UGGT2: variants seen among roughly 807,000 people sequenced by gnomAD.
The protein encoded by UGGT2 is UDP-glucose glycoprotein glucosyltransferase 2, also known as UDP-glucose:glycoprotein glucosyltransferase 2.
Under a neutral mutation model 192.1 loss-of-function variants are expected in UGGT2, and 180 were observed. That is an observed-to-expected ratio of 0.94 (90% CI 0.83 to 1.06). UGGT2 has a LOEUF of 1.06. Among genes scored for constraint, UGGT2 ranks in the 50% least tolerant of loss-of-function variants. UGGT2 has a pLI of 0.00. For synonymous variants in UGGT2, 580 were observed against 591.0 expected (o/e 0.98, Z 0.27); for missense variants, 1,849 against 1,795.7 (o/e 1.03, Z -0.54).
intron 38 of UGGT2, among the ~76,000 whole-genome samples, chr13:95,832,493 ACG>A (rs781687543): frequency 0.072 from 10,941 of 152,222 alleles, 463 homozygotes; most frequent in East Asian, 0.15. Context: ...AACCACAAAC[ACG>A]TGGGGAAACC....
intron 20 of UGGT2, among the ~76,000 whole-genome samples, chr13:95,905,091 C>T (rs577187211): frequency 1.3e-5 from 2 of 152,176 alleles, no homozygotes; most frequent in East Asian, 1.9e-4. Context: ...GCATAAATGT[C>T]TTCTTTTGAG....
chr13:95,858,979 C>T (rs1408014887), intron 33 of UGGT2, among the ~76,000 whole-genome samples: 3 of 152,094 alleles, frequency 2.0e-5, no homozygotes, highest in Non-Finnish European at 4.4e-5. Context: ...GAATGAGACA[C>T]CAAATTGCTG....
intron 32 of UGGT2, among the ~76,000 whole-genome samples, chr13:95,860,146 T>C (rs1249875632): frequency 1.3e-5 from 2 of 152,042 alleles, no homozygotes; most frequent in African/African-American, 2.4e-5. Context: ...GTATCAGTGC[T>C]ACAATTCAAA....
At chr13:95,858,318 C>G (rs1435515551) in intron 33 of UGGT2, among the ~76,000 whole-genome samples, 1 of 151,886 alleles carries the variant, frequency 6.6e-6, no homozygotes, top group African/African-American at 2.4e-5. Context: ...CTGCAGATCT[C>G]GGACCACACT....
intron 14 of UGGT2, among the ~76,000 whole-genome samples, chr13:95,947,460 A>T (rs9525094): frequency 1 from 148,854 of 149,290 alleles, 74,209 homozygotes; most frequent in Non-Finnish European, 1. Context: ...TTTTATTTTT[A>T]TTTTTTTTGA....
chr13:95,870,755 G>C (rs997760767), intron 29 of UGGT2, among the ~76,000 whole-genome samples: 8 of 152,210 alleles, frequency 5.3e-5, no homozygotes, highest in African/African-American at 1.7e-4. Context: ...GCTACGATTT[G>C]AATGTCCCTC....
intron 12 of UGGT2, among the ~76,000 whole-genome samples, chr13:95,956,996 TAAAA>T (rs1691062476): frequency 6.6e-6 from 1 of 152,142 alleles, no homozygotes; most frequent in South Asian, 2.1e-4. Flanking sequence ...TATTCAGTCT[TAAAA>T]AGGAACAAAA....
chr13:95,854,887 T>C (rs1307492141), intron 34 of UGGT2, among the ~76,000 whole-genome samples: 1 of 151,970 alleles, frequency 6.6e-6, no homozygotes, highest in Non-Finnish European at 1.5e-5. Context: ...GTTTGAATCA[T>C]AAAGAAAAAT....
chr13:95,891,821 G>A (rs2047809193), intron 24 of UGGT2, among the ~76,000 whole-genome samples: 1 of 152,116 alleles, frequency 6.6e-6, no homozygotes, highest in Admixed American at 6.5e-5. Flanking sequence ...AAAGGCTTCT[G>A]CAGTGAGGGG....
chr13:95,957,778 A>T (rs2050255681), intron 12 of UGGT2, among the ~76,000 whole-genome samples: 1 of 152,250 alleles, frequency 6.6e-6, no homozygotes, highest in African/African-American at 2.4e-5. Context: ...CAATTACTGC[A>T]CTAATTTTCT....
chr13:95,911,768 C>T (rs1044665146), intron 20 of UGGT2, among the ~76,000 whole-genome samples: 1 of 152,072 alleles, frequency 6.6e-6, no homozygotes, highest in Admixed American at 6.6e-5. Context: ...CAAAGCCTGG[C>T]AGAAACACAA....
At chr13:95,860,753 C>A in intron 32 of UGGT2, 35 bp downstream of exon 32, 3 of 1,282,058 alleles carry the variant, frequency 2.3e-6, no homozygotes, top group Non-Finnish European at 2.1e-6. Context: ...GTAAATATTT[C>A]TTTTTCAAAA....
intron 38 of UGGT2, among the ~76,000 whole-genome samples, chr13:95,805,580 T>A (rs746623097): frequency 1.1e-4 from 17 of 152,148 alleles, no homozygotes; most frequent in Non-Finnish European, 2.4e-4. Context: ...ATATATACAA[T>A]GGGATTTTAT....
Position 96,023,656 on chromosome 13 carries a change from G to C in UGGT2, c.345C>G (p.Tyr115Ter), listed in dbSNP as rs1287717904. Residue 115 changes from tyrosine (Y) to a stop codon, truncating the protein, a stop_gained, in exon 3 of 39, where the codon TAC (tyrosine) becomes TAG (stop). Transcript: ENST00000376747. LOFTEE classifies it high-confidence loss of function. Reference protein sequence around the residue: ...LLKFAFSIRAYSPAIQMFQQI... With the variant: ...LLKFAFSIRA Reference sequence around the variant, plus strand: ...GCTGAAACATCTGAATAGCTGGGGAGTATGCCCTTATAGAGAAAGCAAACT... The same window carrying C: ...GCTGAAACATCTGAATAGCTGGGGACTATGCCCTTATAGAGAAAGCAAACT... 1.2e-6 allele frequency: 2 copies of C among 1,610,964 alleles called. No homozygotes were observed. The highest frequency in any genetic ancestry group is 1.7e-6 in the Non-Finnish European group (2 of 1,178,016).
At chr13:95,924,558 A>T (rs991796728) in intron 20 of UGGT2, among the ~76,000 whole-genome samples, 3 of 152,018 alleles carry the variant, frequency 2.0e-5, no homozygotes, top group Non-Finnish European at 2.9e-5. Flanking sequence ...GATGGCCCCA[A>T]CGATCCCCAT....
chr13:95,925,594 G>T, intron 20 of UGGT2, 86 bp downstream of exon 20: 1 of 888,786 alleles, frequency 1.1e-6, no homozygotes, highest in East Asian at 3.0e-5. Flanking sequence ...AACATGGAGG[G>T]GAAAATATTT....
Position 95,903,040 on chromosome 13 carries a change from C to T in UGGT2, c.2316G>A (p.Arg772=). ...LKHMKTSVHS[R]LGIIYNPTSK... The stretch of plus-strand genomic sequence containing the variant: ...ATGTAGGATTATAAATAATCCCCAA[C>T]CGACTATGAACACTTGTTTTCTGCA... Residue 772 remains arginine (R), a synonymous_variant, in exon 21 of 39, where the codon CGG becomes CGA. Transcript: ENST00000376747. 1 of 1,611,866 alleles carries T rather than the reference C, an allele frequency of 6.2e-7. No homozygotes were observed.
chr13:95,860,884 C>A lies in UGGT2; in HGVS notation c.3645-1G>T. 6.5e-7 allele frequency: 1 copy of A among 1,538,452 alleles called. No individual in the cohort carries two copies. The highest frequency in any genetic ancestry group is 8.7e-7 in the Non-Finnish European group (1 of 1,143,688). On this transcript the variant is annotated splice_acceptor_variant, in intron 31 of 38. Transcript: ENST00000376747. LOFTEE classifies it high-confidence loss of function. ...TTCTTTATGCAAGCTTACTGTGAAA[C>A]TTGGAATAAAAAAGTAATTGACATT...
At chr13:95,807,715 C>CTTTTTTTTT (rs200081851) in intron 38 of UGGT2, among the ~76,000 whole-genome samples, 2 of 48,040 alleles carry the variant, frequency 4.2e-5, no homozygotes. Flanking sequence ...TCAGCCCTCA[C>CTTTTTTTTT]CTTTTTTTTT....
Sources: allele counts gnomAD v4.1 joint callset (sites outside exome capture counted in the v4.1 genomes callset), GRCh38; gene constraint gnomAD v4.1.1; transcripts MANE v1.5; gene names NCBI Gene and HGNC (gene_info 2026-07-23, HGNC 2026-07-21).